C1orf21: variants seen among roughly 807,000 people sequenced by gnomAD.
C1orf21 encodes uncharacterized protein C1orf21.
C1orf21 carries 3 observed loss-of-function variants against 18.7 expected under a neutral mutation model. The observed-to-expected ratio is 0.16, with a 90% CI of 0.07 to 0.42. The LOEUF (loss-of-function observed/expected upper bound fraction) is 0.42, where lower values mean the gene tolerates loss of function less well. Ranked by LOEUF, C1orf21 falls within the 10% of genes least tolerant of loss-of-function variation. The pLI is 0.99. For missense variants in C1orf21, 104 were observed against 143.6 expected, an observed-to-expected ratio of 0.72 and a Z score of 1.41; for synonymous variants, 41 against 46.4, an observed-to-expected ratio of 0.88 and a Z score of 0.47.
chr1:184,432,562 A>G (rs1456651335), intron 1 of C1orf21, among the ~76,000 whole-genome samples: 1 of 152,108 alleles, frequency 6.6e-6, no homozygotes, highest in Non-Finnish European at 1.5e-5. Flanking sequence ...AGAAATACCT[A>G]ATGTAGATGA....
At chr1:184,531,920 G>A (rs1658468024) in intron 3 of C1orf21, among the ~76,000 whole-genome samples, 1 of 152,072 alleles carries the variant, frequency 6.6e-6, no homozygotes. Context: ...ACAGGTTAGA[G>A]GAGAATTCTT....
At chr1:184,478,690 C>A (rs1218385411) in intron 2 of C1orf21, among the ~76,000 whole-genome samples, 1 of 152,094 alleles carries the variant, frequency 6.6e-6, no homozygotes, top group African/African-American at 2.4e-5. Context: ...TTGAGATTGG[C>A]CCTTAGATGA....
At chr1:184,602,959 A>G (rs943385344) in intron 5 of C1orf21, among the ~76,000 whole-genome samples, 1 of 152,198 alleles carries the variant, frequency 6.6e-6, no homozygotes, top group Non-Finnish European at 1.5e-5. Context: ...ACTGTTTCTG[A>G]TGAAAGGCTT....
chr1:184,561,862 T>G (rs919756506), intron 3 of C1orf21, among the ~76,000 whole-genome samples: 2 of 152,284 alleles, frequency 1.3e-5, no homozygotes, highest in African/African-American at 4.8e-5. Flanking sequence ...CTCGAACTCC[T>G]GACATCATGA....
intron 1 of C1orf21, among the ~76,000 whole-genome samples, chr1:184,389,324 A>G (rs979601990): frequency 6.6e-6 from 1 of 152,196 alleles, no homozygotes; most frequent in Non-Finnish European, 1.5e-5. Context: ...CTTGGGTGGT[A>G]GAGAGGTCTC....
chr1:184,532,514 G>T (rs1229812012), intron 3 of C1orf21, among the ~76,000 whole-genome samples: 1 of 152,098 alleles, frequency 6.6e-6, no homozygotes, highest in East Asian at 1.9e-4. Context: ...GGAGACTGAG[G>T]CTGGAGGATC....
intron 3 of C1orf21, among the ~76,000 whole-genome samples, chr1:184,559,504 CCCCTT>C (rs1658924671): frequency 5.3e-5 from 2 of 37,978 alleles, no homozygotes; most frequent in African/African-American, 2.1e-4. Context: ...CCTTCCTTCC[CCCCTT>C]CCTTCCTTCC....
chr1:184,476,128 C>T (rs912136445), intron 1 of C1orf21, among the ~76,000 whole-genome samples: 2 of 152,146 alleles, frequency 1.3e-5, no homozygotes, highest in Non-Finnish European at 2.9e-5. Context: ...GATTTTATGG[C>T]TTAAATGATT....
chr1:184,476,452 T>C (rs774043035), intron 1 of C1orf21, among the ~76,000 whole-genome samples: 24 of 152,168 alleles, frequency 1.6e-4, no homozygotes, highest in Admixed American at 2.0e-4. Flanking sequence ...GTAAGTCATC[T>C]ATAGGCCTGG....
At chr1:184,484,079 G>A (rs1057015768) in intron 2 of C1orf21, among the ~76,000 whole-genome samples, 8 of 151,868 alleles carry the variant, frequency 5.3e-5, no homozygotes, top group African/African-American at 1.7e-4. Flanking sequence ...ACCCACCACC[G>A]CGCCCGGCTA....
At chr1:184,582,339 A>G (rs1168296982) in intron 3 of C1orf21, among the ~76,000 whole-genome samples, 1 of 152,214 alleles carries the variant, frequency 6.6e-6, no homozygotes. Context: ...TCTTGCTTCT[A>G]GTTGTCAAAT....
intron 1 of C1orf21, among the ~76,000 whole-genome samples, chr1:184,453,969 A>G (rs1657158476): frequency 6.6e-6 from 1 of 152,252 alleles, no homozygotes; most frequent in South Asian, 2.1e-4. Flanking sequence ...AGCAAGAAAC[A>G]AAGCATTATA....
At chr1:184,463,070 A>C (rs1657331439) in intron 1 of C1orf21, among the ~76,000 whole-genome samples, 1 of 145,800 alleles carries the variant, frequency 6.9e-6, no homozygotes. Context: ...CGACACGAGC[A>C]AGACTCCATC....
At chr1:184,455,203 A>G (rs1657180541) in intron 1 of C1orf21, among the ~76,000 whole-genome samples, 1 of 152,228 alleles carries the variant, frequency 6.6e-6, no homozygotes, top group Non-Finnish European at 1.5e-5. Flanking sequence ...TATCAAAAAC[A>G]AGTTCTCAAA....
At chr1:184,565,649 A>T (rs1571280039) in intron 3 of C1orf21, among the ~76,000 whole-genome samples, 1 of 152,376 alleles carries the variant, frequency 6.6e-6, no homozygotes, top group East Asian at 1.9e-4. Flanking sequence ...AATTATAAAC[A>T]AGCCAAGTAC....
intron 1 of C1orf21, among the ~76,000 whole-genome samples, chr1:184,415,437 G>T (rs1001495293): frequency 6.6e-6 from 1 of 152,170 alleles, no homozygotes; most frequent in Non-Finnish European, 1.5e-5. Flanking sequence ...TGTTCAGTAG[G>T]TCTGGGATGG....
At chr1:184,506,435 A>T (rs1270446579) in intron 2 of C1orf21, among the ~76,000 whole-genome samples, 3 of 152,212 alleles carry the variant, frequency 2.0e-5, no homozygotes, top group Non-Finnish European at 2.9e-5. Context: ...TAAGAAATTA[A>T]ATAAGAGTAT....
intron 2 of C1orf21, among the ~76,000 whole-genome samples, chr1:184,480,146 G>A (rs947974262): frequency 2.6e-5 from 4 of 152,140 alleles, no homozygotes; most frequent in Non-Finnish European, 4.4e-5. Flanking sequence ...GCCTTAAACC[G>A]CAGAATCAGA....
chr1:184,534,562 G>T (rs142388693), intron 3 of C1orf21, among the ~76,000 whole-genome samples: 1 of 151,194 alleles, frequency 6.6e-6, no homozygotes, highest in African/African-American at 2.4e-5. Flanking sequence ...ATTTGGTTGT[G>T]TTTTTTTTTA....
Sources: allele counts gnomAD v4.1 joint callset (sites outside exome capture counted in the v4.1 genomes callset), GRCh38; gene constraint gnomAD v4.1.1; transcripts MANE v1.5; gene names NCBI Gene and HGNC (gene_info 2026-07-23, HGNC 2026-07-21).